Variants in DOCK2 observed in about 807,000 individuals in gnomAD.
The protein encoded by DOCK2 is dedicator of cytokinesis 2, also known as dedicator of cytokinesis protein 2.
Under a neutral mutation model 248.9 loss-of-function variants are expected in DOCK2, and 87 were observed. The ratio of observed to expected loss-of-function variants is 0.35; its 90% CI spans 0.29 to 0.42. The LOEUF (loss-of-function observed/expected upper bound fraction) is 0.42, where lower values mean the gene tolerates loss of function less well. Ranked by LOEUF, DOCK2 falls within the 10% of genes least tolerant of loss-of-function variation. The pLI, the probability that DOCK2 is intolerant of heterozygous loss-of-function variation, is 1.00. For synonymous variants in DOCK2, 805 were observed against 821.6 expected (o/e 0.98, Z 0.35); for missense variants, 1,747 against 2,300.2 (o/e 0.76, Z 4.92).
chr5:170,080,246 A>T lies in DOCK2; in HGVS notation c.5250A>T (p.Gln1750His). The change falls in exon 50 of 52, where the codon CAA becomes CAT. Residue 1750 changes from glutamine (Q) to histidine (H), a missense_variant. By Grantham distance (24) the Gln-to-His change is conservative. Transcript: ENST00000520908. ...CCCTCAAGGCGTCTGTCCTCTCTCAAATGAGCTTTGCCAGCCAGTCCATGC... is the reference window on the plus strand; with the variant it reads ...CCCTCAAGGCGTCTGTCCTCTCTCATATGAGCTTTGCCAGCCAGTCCATGC... ...AIPLKASVLS[Q>H]MSFASQSMPT... 1 of 1,614,016 alleles carries T rather than the reference A, an allele frequency of 6.2e-7. No homozygotes were observed. Among genetic ancestry groups the T allele is most frequent in the Non-Finnish European group, 8.5e-7 (1 of 1,179,974 alleles).
At chr5:169,738,011 G>A (rs59023213) in intron 22 of DOCK2, among the ~76,000 whole-genome samples, 14,056 of 152,164 alleles carry the variant, frequency 0.092, 1,208 homozygotes, top group Admixed American at 0.28. Flanking sequence ...TGGGGACTGA[G>A]CCCTCACCCA....
intron 27 of DOCK2, among the ~76,000 whole-genome samples, chr5:169,976,866 A>AT (rs1777735338): frequency 6.6e-6 from 1 of 152,220 alleles, no homozygotes; most frequent in East Asian, 1.9e-4. Flanking sequence ...CACCCAGCAT[A>AT]TGCAACATCC....
At chr5:169,793,872 C>T (rs1402074515) in intron 25 of DOCK2, among the ~76,000 whole-genome samples, 1 of 152,116 alleles carries the variant, frequency 6.6e-6, no homozygotes, top group Non-Finnish European at 1.5e-5. Flanking sequence ...AGTGTGCCTC[C>T]CTGAAATCAG....
intron 27 of DOCK2, among the ~76,000 whole-genome samples, chr5:169,953,652 G>A (rs1015193091): frequency 1.3e-5 from 2 of 152,178 alleles, no homozygotes; most frequent in African/African-American, 4.8e-5. Context: ...AGAGGAGGTA[G>A]CAAGTAGTGG....
chr5:169,911,948 A>G (rs1252020116), intron 27 of DOCK2, among the ~76,000 whole-genome samples: 2 of 152,178 alleles, frequency 1.3e-5, no homozygotes, highest in African/African-American at 2.4e-5. Context: ...TTTCATTTCC[A>G]TGATGTTTCC....
At chr5:169,739,945 A>G (rs1763225751) in intron 22 of DOCK2, among the ~76,000 whole-genome samples, 1 of 152,250 alleles carries the variant, frequency 6.6e-6, no homozygotes, top group African/African-American at 2.4e-5. Context: ...GCTTCTTTCT[A>G]TCCTTAGGAA....
chr5:169,985,820 T>C lies in DOCK2; in HGVS notation c.2899-8T>C, dbSNP rs1778055693. ...GGATGACATGTGTGCTGTGCTTCAT[T>C]GTTTCAGGACTTCTTGATGGAGACC... On this transcript the variant is annotated splice_polypyrimidine_tract_variant and splice_region_variant and intron_variant, in intron 28 of 51. Coordinates refer to ENST00000520908, the MANE Select transcript of DOCK2 (RefSeq NM_004946.3). The C allele has an allele frequency of 1.2e-6, 2 of 1,603,998 alleles. No homozygotes were observed. Among genetic ancestry groups the C allele is most frequent in the Non-Finnish European group, 1.7e-6 (2 of 1,174,044 alleles).
chr5:169,718,340 G>GA (rs999461091), intron 21 of DOCK2, among the ~76,000 whole-genome samples: 4 of 151,482 alleles, frequency 2.6e-5, no homozygotes, highest in Non-Finnish European at 4.4e-5. Context: ...AGAAAAAGTT[G>GA]AAAAAAAAGA....
intron 27 of DOCK2, among the ~76,000 whole-genome samples, chr5:169,893,357 G>A (rs1773407225): frequency 6.6e-6 from 1 of 152,150 alleles, no homozygotes. Flanking sequence ...TCTCATAGAA[G>A]AAAGGGCATT....
chr5:170,004,272 C>A (rs551231094), intron 30 of DOCK2, among the ~76,000 whole-genome samples: 2 of 152,290 alleles, frequency 1.3e-5, no homozygotes, highest in East Asian at 3.9e-4. Flanking sequence ...AATGGTTGAA[C>A]TAGTTTACAG....
intron 21 of DOCK2, 117 bp from the exon 22 acceptor site, chr5:169,718,540 A>G: frequency 9.4e-7 from 1 of 1,058,706 alleles, no homozygotes; most frequent in Non-Finnish European, 1.3e-6. Flanking sequence ...ACAAATGAGT[A>G]AGTGAGCTTG....
chr5:169,682,908 T>G (rs1759748622), intron 7 of DOCK2, among the ~76,000 whole-genome samples: 1 of 152,208 alleles, frequency 6.6e-6, no homozygotes, highest in Admixed American at 6.5e-5. Context: ...AATTTTCTGT[T>G]TGACTTTTAC....
At chr5:169,670,666 A>G (rs1254451984) in intron 4 of DOCK2, 69 bp downstream of exon 4, 2 of 1,569,488 alleles carry the variant, frequency 1.3e-6, no homozygotes, top group Non-Finnish European at 1.7e-6. Flanking sequence ...GTTTATTTTG[A>G]AAATCTGACT....
At chr5:169,861,938 C>CT (rs60375082) in intron 27 of DOCK2, among the ~76,000 whole-genome samples, 53,304 of 147,116 alleles carry the variant, frequency 0.36, 10,320 homozygotes, top group Admixed American at 0.44. Flanking sequence ...CTTTTCTTTT[C>CT]TTTTTTTTTT....
intron 2 of DOCK2, among the ~76,000 whole-genome samples, chr5:169,668,978 G>C (rs983680088): frequency 2.0e-5 from 3 of 152,164 alleles, no homozygotes; most frequent in African/African-American, 7.2e-5. Flanking sequence ...CAGATGCTCT[G>C]TCTGGTGGAC....
intron 34 of DOCK2, 83 bp from the exon 35 acceptor site, chr5:170,034,316 T>C (rs931533872): frequency 3.4e-5 from 53 of 1,536,886 alleles, no homozygotes; most frequent in Non-Finnish European, 4.5e-5. Context: ...TGATTTTGCA[T>C]GTGCTCCATC....
intron 7 of DOCK2, 51 bp from the exon 8 acceptor site, chr5:169,684,145 G>A (rs761811770): frequency 1.3e-6 from 2 of 1,578,000 alleles, no homozygotes; most frequent in Non-Finnish European, 1.7e-6. Flanking sequence ...GCTCTAAGTG[G>A]TGCTAGGCTA....
At chr5:170,010,142 G>A (rs1755229408) in intron 32 of DOCK2, among the ~76,000 whole-genome samples, 1 of 152,102 alleles carries the variant, frequency 6.6e-6, no homozygotes, top group Non-Finnish European at 1.5e-5. Context: ...TGCCCCATCA[G>A]GATGGAACCT....
At chr5:169,728,975 C>T (rs4867883) in intron 22 of DOCK2, among the ~76,000 whole-genome samples, 6,792 of 152,174 alleles carry the variant, frequency 0.045, 471 homozygotes, top group African/African-American at 0.14. Flanking sequence ...TAAACTATTT[C>T]CTCTGATTGT....
Sources: allele counts gnomAD v4.1 joint callset (sites outside exome capture counted in the v4.1 genomes callset), GRCh38; gene constraint gnomAD v4.1.1; transcripts MANE v1.5; gene names NCBI Gene and HGNC (gene_info 2026-07-23, HGNC 2026-07-21).